Variants in TMEM201 observed in about 807,000 individuals in gnomAD.
The protein encoded by TMEM201 is transmembrane protein 201, also known as RP13-15M17.2.
In TMEM201, 26 loss-of-function variants were observed where a neutral mutation model predicts 63.4. The observed-to-expected ratio is 0.41, with a 90% CI of 0.30 to 0.57. The LOEUF is 0.57. Ranked by LOEUF, TMEM201 falls within the 20% of genes least tolerant of loss-of-function variation. The probability of loss-of-function intolerance (pLI) is 0.29; values close to 1 mark genes in which losing one functional copy is unlikely to be tolerated. For synonymous variants in TMEM201, 417 were observed against 421.6 expected (o/e 0.99, Z 0.14); for missense variants, 794 against 917.7 (o/e 0.87, Z 1.74).
chr1:9,603,350 T>C lies in TMEM201; in HGVS notation c.1160+1078T>C, dbSNP rs894663331. 3.0e-6 allele frequency: 3 copies of C among 985,262 alleles called. No homozygotes were observed. In the African/African-American group the frequency reaches 5.2e-5, roughly 17 times the overall value. 61.0% of individuals were successfully genotyped at this position (985,262 alleles called of 1,614,324 possible). ...GGGTGTGGGGATCACATGAGGTGGC[T>C]CATGAGGACACACTCTGGAAGTCGA... On this transcript the variant is annotated intron_variant, in intron 6 of 10. Coordinates refer to ENST00000340381, the MANE Select transcript of TMEM201 (RefSeq NM_001130924.3). This position sits in a 1 kb window ranked among gnomAD's most constrained non-coding sequence, Gnocchi z 4.5.
In TMEM201 at chr1:9,609,872, C is replaced by T. The variant is rs1206649568; in HGVS notation, c.1426C>T (p.Pro476Ser). The T allele has an allele frequency of 1.3e-6, 2 of 1,551,460 alleles. No homozygotes were observed. Among genetic ancestry groups the T allele is most frequent in the African/African-American group, 1.4e-5 (1 of 73,154 alleles). The part of the protein sequence containing the change: ...SGYLFSGSRP[P>S]SQVSRSGEFP... ...CTATCTGTTCAGCGGTAGCCGCCCA[C>T]CATCTCAGGTGTCTCGATCTGGGGA... Residue 476 changes from proline to serine, a missense_variant, in exon 8 of 11, where the codon CCA becomes TCA. Transcript: ENST00000340381.
chr1:9,591,896 G>A (rs181055828), intron 1 of TMEM201, among the ~76,000 whole-genome samples: 3 of 152,348 alleles, frequency 2.0e-5, no homozygotes, highest in East Asian at 1.9e-4. Flanking sequence ...GTGCTTCAGG[G>A]CGACCGCAGA....
chr1:9,605,025 G>A lies in TMEM201; in HGVS notation c.1161-2532G>A, dbSNP rs1557559057. ...GGGCTCTGTGCCAGGGCTGGGGTGG[G>A]CAGCTGTGTTTGGGGTACAGACACG... On this transcript the variant is annotated intron_variant, in intron 6 of 10. Coordinates refer to ENST00000340381, the MANE Select transcript of TMEM201 (RefSeq NM_001130924.3). The surrounding 1 kb of genome is among the most constrained non-coding windows in gnomAD (Gnocchi z 5.7). 1 of 985,706 alleles carries A rather than the reference G, an allele frequency of 1.0e-6. No individual in the cohort carries two copies. Among genetic ancestry groups the A allele is most frequent in the Non-Finnish European group, 1.2e-6 (1 of 829,916 alleles). 61.1% of individuals were successfully genotyped at this position (985,706 alleles called of 1,614,324 possible).
Position 9,596,937 on chromosome 1 carries a change from C to T in TMEM201, c.313C>T (p.Arg105Cys), listed in dbSNP as rs967735686. 4.3e-6 allele frequency: 7 copies of T among 1,612,710 alleles called. No individual in the cohort carries two copies. Among genetic ancestry groups the T allele is most frequent in the Non-Finnish European group, 5.1e-6 (6 of 1,179,700 alleles). ...NHVVSSAPSLRDPSQPQQWVS... is the reference protein window; with the variant it reads ...NHVVSSAPSLCDPSQPQQWVS... ...CGTGGTGAGCAGCGCGCCCAGCCTG[C>T]GCGACCCTTCGCAGCCGCAGCAGTG... is the stretch of plus-strand genomic sequence containing the variant. Residue 105 changes from arginine to cysteine, a missense_variant, in exon 3 of 11, where the codon CGC (arginine) becomes TGC (cysteine). Arg to Cys is a radical substitution (Grantham distance 180). Coordinates refer to ENST00000340381, the MANE Select transcript of TMEM201 (RefSeq NM_001130924.3).
chr1:9,602,065 T>A lies in TMEM201; in HGVS notation c.957-4T>A. 3 of 1,608,728 alleles carry A rather than the reference T, an allele frequency of 1.9e-6. No individual in the cohort carries two copies. Among genetic ancestry groups the A allele is most frequent in the Non-Finnish European group, 2.5e-6 (3 of 1,177,132 alleles). ...CTGGGGTGACCCCGCTGCTTCCCTT[T>A]CAGGCTCCGGAGGATCGATGCCTTC... On this transcript the variant is annotated splice_region_variant and splice_polypyrimidine_tract_variant and intron_variant, in intron 5 of 10. Coordinates refer to ENST00000340381, the MANE Select transcript of TMEM201 (RefSeq NM_001130924.3).
At chr1:9,591,774 C>T (rs746863401) in intron 1 of TMEM201, among the ~76,000 whole-genome samples, 1 of 152,206 alleles carries the variant, frequency 6.6e-6, no homozygotes, top group East Asian at 1.9e-4. Flanking sequence ...CAGGCTCCCC[C>T]CTCCCACTCA....
intron 6 of TMEM201, chr1:9,606,123 T>C (rs1644238544): frequency 6.6e-6 from 1 of 152,264 alleles, no homozygotes; most frequent in African/African-American, 2.4e-5. Flanking sequence ...GTCGCTGCGC[T>C]GTCCCGCCAA....
chr1:9,611,956 G>C, intron 10 of TMEM201, 66 bp downstream of exon 10: 3 of 1,465,932 alleles, frequency 2.0e-6, no homozygotes, highest in Non-Finnish European at 1.8e-6. Flanking sequence ...TCTCCCCCAG[G>C]GGGGTCCAGA....
rs1487184610 is a variant in TMEM201, at chr1:9,604,992, T to C, written c.1161-2565T>C. On this transcript the variant is annotated intron_variant, in intron 6 of 10. Coordinates refer to ENST00000340381, the MANE Select transcript of TMEM201 (RefSeq NM_001130924.3). This position sits in a 1 kb window ranked among gnomAD's most constrained non-coding sequence, Gnocchi z 4.1. ...CCGCGTCTTTCTTCTTTTTTCTTTC[T>C]TTCAGAAGGGCTCTGTGCCAGGGCT... is the stretch of plus-strand genomic sequence containing the variant. 26 of 985,734 alleles carry C rather than the reference T, an allele frequency of 2.6e-5. No individual in the cohort carries two copies. The highest frequency in any genetic ancestry group is 4.7e-5 in the South Asian group (1 of 21,302). 61.1% of individuals were successfully genotyped at this position (985,734 alleles called of 1,614,324 possible).
intron 1 of TMEM201, among the ~76,000 whole-genome samples, chr1:9,589,312 G>A (rs947735243): frequency 3.3e-5 from 5 of 152,026 alleles, no homozygotes; most frequent in African/African-American, 9.6e-5. Context: ...CGGGAGCCGC[G>A]GGGGGCTGGA....
Position 9,596,859 on chromosome 1 carries a change from A to G in TMEM201, c.235A>G (p.Asn79Asp), listed in dbSNP as rs779559746. 6.3e-7 allele frequency: 1 copy of G among 1,582,656 alleles called. No homozygotes were observed. Among genetic ancestry groups the G allele is most frequent in the Non-Finnish European group, 8.6e-7 (1 of 1,156,650 alleles). The change falls in exon 3 of 11, where the codon AAC (asparagine) becomes GAC (aspartate). Residue 79 changes from asparagine (N) to aspartate (D), a missense_variant and splice_region_variant. Physicochemically the swap from Asn to Asp is conservative, Grantham distance 23. Transcript: ENST00000340381. ...CTCGAGTCCCACCTCTCTCCCGCAG[A>G]ACGGCGACTACAACAAGCCGATCCC... ...HCEQYNGFQE[N>D]GDYNKPIPAQ...
At chr1:9,597,399 C>A (rs1644046000) in intron 3 of TMEM201, among the ~76,000 whole-genome samples, 1 of 152,204 alleles carries the variant, frequency 6.6e-6, no homozygotes, top group South Asian at 2.1e-4. Context: ...ACCTTGGGTT[C>A]CAGGTGGGGC....
rs549911484 is a variant in TMEM201 at position 9,613,336 on chromosome 1, C to T, written c.*253C>T. The T allele has an allele frequency of 6.7e-5, 37 of 552,298 alleles. No homozygotes were observed. The South Asian group carries it at 7.8e-4, about 12-fold the overall frequency. 34.2% of individuals were successfully genotyped at this position (552,298 alleles called of 1,614,324 possible). On this transcript the variant is annotated 3_prime_UTR_variant, in exon 11 of 11. Transcript: ENST00000340381. ...ACATCGGTTGTGTTTGGTGCTGACA[C>T]TCTGATCCCGAAGCCAGGGAGCCCC...
rs1209006667 is a variant in TMEM201, at chr1:9,604,422, C to T, written c.1160+2150C>T. 2.2e-5 allele frequency: 22 copies of T among 985,272 alleles called. No homozygotes were observed. Among genetic ancestry groups the T allele is most frequent in the Non-Finnish European group, 2.7e-5 (22 of 829,950 alleles). The allele number at this position is 985,272 out of a possible 1,614,324, so 61.0% of individuals were successfully genotyped here. A position where few individuals can be genotyped will look rare whatever the true frequency, so the allele number is the denominator to read the frequency against. On this transcript the variant is annotated intron_variant, in intron 6 of 10. Coordinates refer to ENST00000340381, the MANE Select transcript of TMEM201 (RefSeq NM_001130924.3). This position sits in a 1 kb window ranked among gnomAD's most constrained non-coding sequence, Gnocchi z 4.1. ...GTGACTTTTTAAATTATTCATGTGT[C>T]CCTTAAAAGTTTCACTACGTGGAGA...
intron 1 of TMEM201, among the ~76,000 whole-genome samples, chr1:9,589,335 G>A (rs906798728): frequency 3.9e-5 from 6 of 152,190 alleles, no homozygotes; most frequent in African/African-American, 1.4e-4. Flanking sequence ...CGGTGCGCAC[G>A]GGCCGCCCCT....
intron 6 of TMEM201, 82 bp downstream of exon 6, chr1:9,602,354 C>G (rs1010501451): frequency 1.3e-4 from 200 of 1,546,028 alleles, no homozygotes; most frequent in Middle Eastern, 4.6e-4. Context: ...GCGGGCCCCT[C>G]TCTGTCCTGC....
intron 6 of TMEM201, chr1:9,606,272 A>G (rs375492225): frequency 1.3e-5 from 2 of 152,358 alleles, no homozygotes; most frequent in Non-Finnish European, 2.9e-5. Context: ...GGATGTGTCC[A>G]GTCCGGCTGA....
chr1:9,596,085 TG>T, intron 2 of TMEM201, 75 bp downstream of exon 2: 1 of 1,559,308 alleles, frequency 6.4e-7, no homozygotes. Context: ...GAGACCACCC[TG>T]TGTCCCTGCC....
At chr1:9,601,894 C>G (rs540626281) in intron 5 of TMEM201, among the ~76,000 whole-genome samples, 175 bp from the exon 6 acceptor site, 1 of 152,302 alleles carries the variant, frequency 6.6e-6, no homozygotes, top group South Asian at 2.1e-4. Flanking sequence ...GAAACACTGA[C>G]CCACCTGCTC....
Sources: allele counts gnomAD v4.1 joint callset (sites outside exome capture counted in the v4.1 genomes callset), GRCh38; gene constraint gnomAD v4.1.1; non-coding constraint Gnocchi (gnomAD v3.1); transcripts MANE v1.5; gene names NCBI Gene and HGNC (gene_info 2026-07-23, HGNC 2026-07-21).